Variants in FCAR observed in about 807,000 individuals in gnomAD.
FCAR encodes Fc alpha receptor.
In FCAR, 21 loss-of-function variants were observed where a neutral mutation model predicts 27.1. The ratio of observed to expected loss-of-function variants is 0.77; its 90% CI spans 0.55 to 1.11. The LOEUF (loss-of-function observed/expected upper bound fraction) is 1.11, where lower values mean the gene tolerates loss of function less well. FCAR is among the 50% of genes most tolerant of loss of function. The probability of loss-of-function intolerance (pLI) is 0.00; values close to 1 mark genes in which losing one functional copy is unlikely to be tolerated. For synonymous variants in FCAR, 134 were observed against 135.8 expected (o/e 0.99, Z 0.09); for missense variants, 404 against 358.4 (o/e 1.13, Z -1.03).
rs1482163307 is a variant in FCAR, at chr19:54,890,395, GTTC to G, written c.*537_*539del. 1 of 151,558 alleles carries G rather than the reference GTTC, an allele frequency of 6.6e-6. No individual in the cohort carries two copies. 9.4% of individuals were successfully genotyped at this position (151,558 alleles called of 1,614,324 possible). A position where few individuals can be genotyped will look rare whatever the true frequency, so the allele number is the denominator to read the frequency against. On this transcript the variant is annotated 3_prime_UTR_variant, in exon 5 of 5. Coordinates refer to ENST00000355524, the MANE Select transcript of FCAR (RefSeq NM_002000.4). ...ATCCTGTTTAATTTCTTCCTTCATT[GTTC>G]TTCTCTTTTTTTATTTATTTTATTT...
rs587753845 is a variant in FCAR, at chr19:54,884,735, C to G, written c.71-500C>G. Among the ~76,000 whole-genome samples the G allele has an allele frequency of 1.1e-4, 16 of 151,932 alleles. No homozygotes were observed. In the South Asian group the frequency reaches 3.3e-3, roughly 32 times the overall value. ...TGCCTATTGGGTACTATGCTCAGTACCTGGGTGACAGGATCAATCGTACTC... is the reference window on the plus strand; with the variant it reads ...TGCCTATTGGGTACTATGCTCAGTAGCTGGGTGACAGGATCAATCGTACTC... On this transcript the variant is annotated intron_variant, in intron 2 of 4. Coordinates refer to ENST00000355524, the MANE Select transcript of FCAR (RefSeq NM_002000.4).
intron 2 of FCAR, chr19:54,880,873 G>C (rs949270744): frequency 2.0e-5 from 3 of 152,156 alleles, no homozygotes; most frequent in Non-Finnish European, 4.4e-5. Context: ...GTTGAAGTTT[G>C]GGCTGCAATC....
chr19:54,886,576 GA>G (rs1177162145), intron 3 of FCAR, among the ~76,000 whole-genome samples: 1 of 151,990 alleles, frequency 6.6e-6, no homozygotes. Flanking sequence ...AAAGTGCTGG[GA>G]TTACTGGCGT....
intron 2 of FCAR, among the ~76,000 whole-genome samples, chr19:54,882,168 C>A (rs746152630): frequency 3.9e-5 from 6 of 152,178 alleles, no homozygotes; most frequent in Non-Finnish European, 8.8e-5. Context: ...GGAAGAGAGA[C>A]TGGACTCCTC....
At chr19:54,883,190 T>G (rs2066518899) in intron 2 of FCAR, among the ~76,000 whole-genome samples, 1 of 151,878 alleles carries the variant, frequency 6.6e-6, no homozygotes, top group South Asian at 2.1e-4. Flanking sequence ...AATTTTTTTT[T>G]TTTTTTTGTA....
At chr19:54,878,002 G>A (rs954016399) in intron 2 of FCAR, among the ~76,000 whole-genome samples, 1 of 148,784 alleles carries the variant, frequency 6.7e-6, no homozygotes, top group Non-Finnish European at 1.5e-5. Flanking sequence ...TGCAAGCTCC[G>A]CCTCCCAGGT....
chr19:54,874,371 C>T, intron 1 of FCAR, 48 bp downstream of exon 1: 12 of 1,570,122 alleles, frequency 7.6e-6, no homozygotes, highest in Non-Finnish European at 1.1e-5. Flanking sequence ...AGAGAAATCC[C>T]AAAATAATCA....
Position 54,881,604 on chromosome 19 carries a change from GA to G in FCAR, c.71-3630del, listed in dbSNP as rs1401051836. Among the ~76,000 whole-genome samples the G allele has an allele frequency of 1.4e-4, 22 of 152,016 alleles. 1 individual carries two copies. The highest frequency in any genetic ancestry group is 2.8e-4 in the Non-Finnish European group (19 of 67,988). ...GCATGAATGAAGGCCGGGCGCGGTGGACTCACGCCCGGAATCCCAGCACTTT... is the reference window on the plus strand; with the variant it reads ...GCATGAATGAAGGCCGGGCGCGGTGGCTCACGCCCGGAATCCCAGCACTTT... On this transcript the variant is annotated intron_variant, in intron 2 of 4. Coordinates refer to ENST00000355524, the MANE Select transcript of FCAR (RefSeq NM_002000.4).
At position 54,889,767 on chromosome 19, in the gene FCAR, C is replaced by A. The variant is rs1370950083; in HGVS notation, c.768C>A (p.Asn256Lys). ...ATTGGCACAGCCATACGGCACTGAACAAGGAAGCCTCGGCAGATGTGGCTG... is the reference window on the plus strand; with the variant it reads ...ATTGGCACAGCCATACGGCACTGAAAAAGGAAGCCTCGGCAGATGTGGCTG... Reference protein sequence around the residue: ...VENWHSHTALNKEASADVAEP... With the variant: ...VENWHSHTALKKEASADVAEP... Residue 256 changes from asparagine (N) to lysine (K), a missense_variant, in exon 5 of 5, where the codon AAC becomes AAA. Asn to Lys is a moderately conservative substitution (Grantham distance 94). Coordinates refer to ENST00000355524, the MANE Select transcript of FCAR (RefSeq NM_002000.4). 1.2e-6 allele frequency: 2 copies of A among 1,613,946 alleles called. No homozygotes were observed. The highest frequency in any genetic ancestry group is 1.7e-5 in the Admixed American group (1 of 60,004).
intron 2 of FCAR, among the ~76,000 whole-genome samples, chr19:54,882,978 C>G (rs587694139): frequency 2.2e-4 from 33 of 152,102 alleles, no homozygotes; most frequent in Non-Finnish European, 3.8e-4. Flanking sequence ...AGGATCTTAG[C>G]CACAAGGCTC....
At chr19:54,888,474 T>G in intron 4 of FCAR, 180 bp downstream of exon 4, 1 of 1,427,012 alleles carries the variant, frequency 7.0e-7, no homozygotes, top group Non-Finnish European at 9.1e-7. Flanking sequence ...CTCGCTAGAG[T>G]TCTCCAGACA....
At chr19:54,879,912 C>T (rs1266819906) in intron 2 of FCAR, among the ~76,000 whole-genome samples, 1 of 152,136 alleles carries the variant, frequency 6.6e-6, no homozygotes, top group South Asian at 2.1e-4. Context: ...GTCTCAATCT[C>T]CTGACCTCGT....
At chr19:54,885,612 A>G (rs2066674896) in intron 3 of FCAR, 87 bp downstream of exon 3, 2 of 1,060,684 alleles carry the variant, frequency 1.9e-6, no homozygotes, top group Admixed American at 5.5e-5. Flanking sequence ...TAGATTTACA[A>G]ACAAAAAAAA....
chr19:54,888,485 G>A, intron 4 of FCAR, 191 bp downstream of exon 4: 1 of 1,420,108 alleles, frequency 7.0e-7, no homozygotes, highest in Admixed American at 2.9e-5. Context: ...TCTCCAGACA[G>A]GGTTCATTGA....
chr19:54,878,860 A>G (rs1256168509), intron 2 of FCAR, among the ~76,000 whole-genome samples: 2 of 140,558 alleles, frequency 1.4e-5, no homozygotes, highest in African/African-American at 2.7e-5. Context: ...TAGGCAGCAT[A>G]ATGTTGAGTC....
At position 54,890,315 on chromosome 19, in the gene FCAR, A is replaced by G. The variant is rs1277816114; in HGVS notation, c.*452A>G. ...ATGCAGGACTGATCGATTTGCACCC[A>G]CCTTTCTGCACATAAGTTATGGTTT... On this transcript the variant is annotated 3_prime_UTR_variant, in exon 5 of 5. Coordinates refer to ENST00000355524, the MANE Select transcript of FCAR (RefSeq NM_002000.4). The G allele has an allele frequency of 6.4e-6, 1 of 155,478 alleles. No homozygotes were observed. The highest frequency in any genetic ancestry group is 1.4e-5 in the Non-Finnish European group (1 of 70,678). The allele number at this position is 155,478 out of a possible 1,614,324, so 9.6% of individuals were successfully genotyped here.
At chr19:54,883,912 A>G (rs974373038) in intron 2 of FCAR, among the ~76,000 whole-genome samples, 1 of 152,078 alleles carries the variant, frequency 6.6e-6, no homozygotes, top group African/African-American at 2.4e-5. Context: ...AGCCAAGATC[A>G]CACCACTGCA....
Position 54,890,953 on chromosome 19 carries a change from G to A in FCAR, c.*1090G>A, listed in dbSNP as rs2067046633. On this transcript the variant is annotated 3_prime_UTR_variant, in exon 5 of 5. Coordinates refer to ENST00000355524, the MANE Select transcript of FCAR (RefSeq NM_002000.4). ...AGTGAAAGTCATAATCCTACAGGAGGATTACCCTATTTATTTCACAAACCC... is the reference window on the plus strand; with the variant it reads ...AGTGAAAGTCATAATCCTACAGGAGAATTACCCTATTTATTTCACAAACCC... 6.6e-6 allele frequency: 1 copy of A among 152,026 alleles called. No individual in the cohort carries two copies. The highest frequency in any genetic ancestry group is 2.4e-5 in the African/African-American group (1 of 41,382). 9.4% of individuals were successfully genotyped at this position (152,026 alleles called of 1,614,324 possible).
intron 3 of FCAR, among the ~76,000 whole-genome samples, chr19:54,887,243 G>A (rs1411815662): frequency 1.3e-5 from 2 of 152,262 alleles, no homozygotes; most frequent in South Asian, 2.1e-4. Context: ...CTGGGAGGTC[G>A]AGGCTGCAGT....
Sources: allele counts gnomAD v4.1 joint callset (sites outside exome capture counted in the v4.1 genomes callset), GRCh38; gene constraint gnomAD v4.1.1; transcripts MANE v1.5; gene names NCBI Gene and HGNC (gene_info 2026-07-23, HGNC 2026-07-21).